The following EYS variants were observed in gnomAD, a reference collection of about 807,000 sequenced individuals.
The protein encoded by EYS is protein eyes shut homolog.
Under a neutral mutation model 282.1 loss-of-function variants are expected in EYS, and 250 were observed. The ratio of observed to expected loss-of-function variants is 0.89; its 90% CI spans 0.80 to 0.98. The LOEUF is 0.98. Among genes scored for constraint, EYS ranks in the 50% least tolerant of loss-of-function variants. The pLI is 0.00. For missense variants in EYS, 4,016 were observed against 3,709.0 expected (o/e 1.08, Z -2.15); for synonymous variants, 1,355 against 1,282.9 (o/e 1.06, Z -1.20).
chr6:64,556,265 G>A (rs1186192123), intron 26 of EYS, among the ~76,000 whole-genome samples: 2 of 151,878 alleles, frequency 1.3e-5, no homozygotes, highest in Admixed American at 1.3e-4. Context: ...AAAAATTAAG[G>A]TATATTCAGA....
chr6:64,074,474 C>T (rs1428065078), intron 32 of EYS, among the ~76,000 whole-genome samples: 2 of 151,328 alleles, frequency 1.3e-5, no homozygotes, highest in African/African-American at 4.8e-5. Context: ...GATACTTTAT[C>T]ACTTTATTGA....
At chr6:64,712,356 C>A (rs1018159615) in intron 22 of EYS, among the ~76,000 whole-genome samples, 3 of 152,262 alleles carry the variant, frequency 2.0e-5, no homozygotes, top group Non-Finnish European at 4.4e-5. Context: ...TTTGTGGAAG[C>A]ATGATTAATC....
chr6:65,076,010 G>GA (rs993251395), intron 12 of EYS, among the ~76,000 whole-genome samples: 3 of 151,676 alleles, frequency 2.0e-5, no homozygotes, highest in Non-Finnish European at 2.9e-5. Context: ...AGTTGGATTT[G>GA]AAAAAAACAG....
In EYS at chr6:65,553,752, C is replaced by T. The variant is rs1383976501; in HGVS notation, c.-332-57759G>A. Among the ~76,000 whole-genome samples, 6 of 151,848 alleles carry T rather than the reference C, an allele frequency of 4.0e-5. 1 individual carries two copies. In the South Asian group the frequency reaches 1.2e-3, roughly 31 times the overall value. ...GTTAATTTTTGCCAACGTATTAGAA[C>T]ATGAGGTGTTCTGTACTCCTTTTTA... On this transcript the variant is annotated intron_variant, in intron 2 of 42. Transcript: ENST00000503581.
chr6:64,098,669 C>G (rs963281913), intron 31 of EYS, among the ~76,000 whole-genome samples: 6 of 150,272 alleles, frequency 4.0e-5, no homozygotes, highest in Admixed American at 1.3e-4. Flanking sequence ...GGTGCCATCT[C>G]GGCTCACTGC....
At chr6:64,833,400 A>C (rs932139143) in intron 19 of EYS, among the ~76,000 whole-genome samples, 1 of 152,002 alleles carries the variant, frequency 6.6e-6, no homozygotes, top group African/African-American at 2.4e-5. Context: ...ATGTACCGGC[A>C]TGACTAGTGT....
At chr6:64,446,682 G>A (rs1775128078) in intron 26 of EYS, among the ~76,000 whole-genome samples, 1 of 151,862 alleles carries the variant, frequency 6.6e-6, no homozygotes, top group Non-Finnish European at 1.5e-5. Flanking sequence ...AATATTATGA[G>A]AGAATAATTG....
chr6:64,176,395 T>C (rs1477416273), intron 31 of EYS, among the ~76,000 whole-genome samples: 1 of 152,092 alleles, frequency 6.6e-6, no homozygotes, highest in Non-Finnish European at 1.5e-5. Context: ...TTCCAACTAA[T>C]TTCGAATAGT....
chr6:65,396,188 T>A (rs570860793), intron 7 of EYS, among the ~76,000 whole-genome samples: 8 of 152,204 alleles, frequency 5.3e-5, no homozygotes, highest in Non-Finnish European at 1.0e-4. Context: ...CCTAGGAGCA[T>A]ACTGTCTCAA....
intron 12 of EYS, among the ~76,000 whole-genome samples, chr6:65,274,560 C>T (rs1299150068): frequency 6.6e-6 from 1 of 152,174 alleles, no homozygotes; most frequent in African/African-American, 2.4e-5. Flanking sequence ...TTTCAGCTGG[C>T]ACTACCAGAA....
In EYS at chr6:65,344,040, C is replaced by T. The variant is rs756499439; in HGVS notation, c.1597G>A (p.Glu533Lys). 1.2e-6 allele frequency: 2 copies of T among 1,609,904 alleles called. No individual in the cohort carries two copies. Among genetic ancestry groups the T allele is most frequent in the South Asian group, 1.1e-5 (1 of 91,000 alleles). ...GCAACTACATAAAATTACCTTACCT[C>T]TTTTGTGCCTTCATGTGGGAACCAA... ...SCWFPHEGTK[E>K]ICANGCSCLS... is the part of the protein sequence containing the mutation. The change falls in exon 10 of 43, where the codon GAG (glutamate) becomes AAG (lysine). Residue 533 changes from glutamate to lysine, a missense_variant and splice_region_variant. By Grantham distance (56) the Glu-to-Lys change is moderately conservative. Transcript: ENST00000503581.
intron 8 of EYS, 25 bp from the exon 9 acceptor site, chr6:65,353,642 T>C (rs570931255): frequency 1.3e-6 from 2 of 1,596,560 alleles, no homozygotes; most frequent in Non-Finnish European, 1.7e-6. Flanking sequence ...CAAGGAAAAA[T>C]GGTAAATTCT....
chr6:65,188,764 CAAAA>C (rs777137794), intron 12 of EYS, among the ~76,000 whole-genome samples: 2 of 78,754 alleles, frequency 2.5e-5, no homozygotes, highest in Admixed American at 1.5e-4. Context: ...TTATTGCATG[CAAAA>C]AAAAAAAAAA....
chr6:65,684,546 C>T (rs1321057783), intron 1 of EYS, among the ~76,000 whole-genome samples: 1 of 151,934 alleles, frequency 6.6e-6, no homozygotes, highest in Admixed American at 6.6e-5. Context: ...TTTTGATACA[C>T]GTTTGTGTGT....
intron 27 of EYS, among the ~76,000 whole-genome samples, chr6:64,438,426 C>T (rs1191539154): frequency 1.3e-5 from 2 of 151,676 alleles, no homozygotes; most frequent in Admixed American, 6.6e-5. Flanking sequence ...CTACTATACA[C>T]TTATGAGAGT....
chr6:64,264,224 T>C (rs749747595), intron 30 of EYS, among the ~76,000 whole-genome samples: 8 of 152,270 alleles, frequency 5.3e-5, no homozygotes, highest in Middle Eastern at 3.4e-3. Context: ...TAATGCCATG[T>C]CAAACCCCTC....
intron 31 of EYS, among the ~76,000 whole-genome samples, chr6:64,149,228 T>A (rs1210005388): frequency 6.6e-6 from 1 of 152,208 alleles, no homozygotes; most frequent in Non-Finnish European, 1.5e-5. Flanking sequence ...TAACTCCTAT[T>A]CTACACTTGG....
chr6:64,097,170 G>A (rs1772653050), intron 31 of EYS, among the ~76,000 whole-genome samples: 1 of 152,178 alleles, frequency 6.6e-6, no homozygotes, highest in African/African-American at 2.4e-5. Context: ...CTACTGGCAG[G>A]TGCCTCCCAA....
chr6:64,566,495 C>A (rs924068565), intron 26 of EYS, among the ~76,000 whole-genome samples: 2 of 152,016 alleles, frequency 1.3e-5, no homozygotes, highest in Non-Finnish European at 2.9e-5. Context: ...GGATAAAATG[C>A]AGAATTGATA....
Sources: gnomAD v4.1 joint callset for allele counts (sites outside exome capture counted in the v4.1 genomes callset) on GRCh38, gnomAD v4.1.1 for gene constraint, MANE v1.5 for transcripts, NCBI Gene and HGNC (gene_info 2026-07-23, HGNC 2026-07-21) for gene names.